Variants in RIMS2 observed in about 807,000 individuals in gnomAD.
The protein encoded by RIMS2 is regulating synaptic membrane exocytosis 2.
In RIMS2, 59 loss-of-function variants were observed where a neutral mutation model predicts 174.4. That is an observed-to-expected ratio of 0.34 (90% CI 0.27 to 0.42). The LOEUF (loss-of-function observed/expected upper bound fraction) is 0.42. RIMS2 is among the 10% of genes least tolerant of loss of function. RIMS2 has a pLI of 1.00. For synonymous variants in RIMS2, 606 were observed against 572.5 expected (o/e 1.06, Z -0.84); for missense variants, 1,620 against 1,666.3 (o/e 0.97, Z 0.48).
intron 1 of RIMS2, 143 bp downstream of exon 1, chr8:103,501,205 G>GCCGC (rs1819599421): frequency 2.1e-6 from 1 of 485,252 alleles, no homozygotes; most frequent in Non-Finnish European, 3.4e-6. Flanking sequence ...GCCAGCGCCG[G>GCCGC]CCGCCCGGGC....
chr8:103,702,339 T>C (rs950605191), intron 2 of RIMS2, among the ~76,000 whole-genome samples: 2 of 152,184 alleles, frequency 1.3e-5, no homozygotes, highest in African/African-American at 2.4e-5. Flanking sequence ...TATTAATCCC[T>C]TATTGGATAG....
At chr8:103,541,131 A>T (rs887027382) in intron 1 of RIMS2, among the ~76,000 whole-genome samples, 3 of 152,244 alleles carry the variant, frequency 2.0e-5, no homozygotes, top group Non-Finnish European at 4.4e-5. Context: ...GAAAATGTAA[A>T]TATCCAATTA....
intron 3 of RIMS2, among the ~76,000 whole-genome samples, chr8:103,839,124 T>G: frequency 6.6e-6 from 1 of 152,210 alleles, no homozygotes; most frequent in Non-Finnish European, 1.5e-5. Context: ...CTTTATCCAC[T>G]TTTCCACGAA....
chr8:103,954,293 A>G (rs1263000644), intron 14 of RIMS2, among the ~76,000 whole-genome samples: 5 of 152,192 alleles, frequency 3.3e-5, no homozygotes, highest in Non-Finnish European at 7.3e-5. Flanking sequence ...CATCAACAGA[A>G]TATACATTCT....
intron 3 of RIMS2, among the ~76,000 whole-genome samples, chr8:103,841,316 T>C (rs1308828212): frequency 2.0e-5 from 3 of 152,240 alleles, no homozygotes; most frequent in African/African-American, 7.2e-5. Context: ...CTGCTTTTTT[T>C]CTTACTAGCT....
At chr8:103,508,915 G>T (rs1315164704) in intron 1 of RIMS2, among the ~76,000 whole-genome samples, 3 of 152,018 alleles carry the variant, frequency 2.0e-5, no homozygotes, top group Non-Finnish European at 4.4e-5. Context: ...TGCCAGACTT[G>T]CGTAACTGAC....
chr8:103,820,402 G>A (rs1391962514), intron 3 of RIMS2, among the ~76,000 whole-genome samples: 2 of 151,920 alleles, frequency 1.3e-5, no homozygotes. Flanking sequence ...AAATATATGT[G>A]GAGAAGACTG....
intron 19 of RIMS2, among the ~76,000 whole-genome samples, chr8:104,199,921 GGGTCCT>G (rs2099045860): frequency 6.6e-6 from 1 of 152,124 alleles, no homozygotes; most frequent in African/African-American, 2.4e-5. Flanking sequence ...TGATGAACCT[GGGTCCT>G]ACTTGGGGAA....
intron 19 of RIMS2, among the ~76,000 whole-genome samples, chr8:104,038,229 T>A (rs1364580639): frequency 6.6e-6 from 1 of 152,028 alleles, no homozygotes; most frequent in Non-Finnish European, 1.5e-5. Flanking sequence ...TTATATTTTA[T>A]ATATCTTTTA....
intron 19 of RIMS2, among the ~76,000 whole-genome samples, chr8:104,034,360 A>G (rs1391741003): frequency 6.6e-6 from 1 of 152,030 alleles, no homozygotes; most frequent in Non-Finnish European, 1.5e-5. Flanking sequence ...AATTTTGAGT[A>G]CTATGACTAG....
intron 19 of RIMS2, among the ~76,000 whole-genome samples, chr8:104,204,914 A>C (rs2099072606): frequency 6.6e-6 from 1 of 152,144 alleles, no homozygotes; most frequent in African/African-American, 2.4e-5. Flanking sequence ...AGATGAATAG[A>C]CTCCACCAGT....
intron 3 of RIMS2, among the ~76,000 whole-genome samples, chr8:103,847,355 G>A (rs2098973371): frequency 6.6e-6 from 1 of 152,044 alleles, no homozygotes; most frequent in Admixed American, 6.6e-5. Flanking sequence ...GTCCTGCAAG[G>A]TGTCCACTGT....
intron 2 of RIMS2, among the ~76,000 whole-genome samples, chr8:103,732,903 A>G (rs2097625161): frequency 6.6e-6 from 1 of 152,174 alleles, no homozygotes; most frequent in African/African-American, 2.4e-5. Flanking sequence ...GTGGGACTCC[A>G]TGAGCTCACT....
chr8:103,530,144 A>G (rs12676333), intron 1 of RIMS2, among the ~76,000 whole-genome samples: 9,944 of 152,324 alleles, frequency 0.065, 397 homozygotes, highest in South Asian at 0.088. Context: ...ATGTTGGGAC[A>G]GTATAAATGG....
chr8:103,655,177 A>G (rs1376578883), intron 1 of RIMS2, among the ~76,000 whole-genome samples: 2 of 151,972 alleles, frequency 1.3e-5, no homozygotes, highest in Non-Finnish European at 2.9e-5. Flanking sequence ...TGAATGAGCC[A>G]TTTGTTTTAG....
chr8:103,567,528 T>G (rs2092459952), intron 1 of RIMS2, among the ~76,000 whole-genome samples: 1 of 152,246 alleles, frequency 6.6e-6, no homozygotes, highest in Non-Finnish European at 1.5e-5. Context: ...GGCCAAATAA[T>G]AATCTGTTGT....
At chr8:104,065,170 A>T (rs1462858967) in intron 19 of RIMS2, among the ~76,000 whole-genome samples, 1 of 152,096 alleles carries the variant, frequency 6.6e-6, no homozygotes, top group Non-Finnish European at 1.5e-5. Context: ...GGCCTTGTAT[A>T]TACAGATTTT....
chr8:103,877,115 A>G (rs2099145054), intron 3 of RIMS2, among the ~76,000 whole-genome samples: 1 of 151,414 alleles, frequency 6.6e-6, no homozygotes, highest in Admixed American at 6.6e-5. Context: ...TAGTTCTTTA[A>G]GGAATCTCCT....
At chr8:103,717,309 TA>T (rs10710945) in intron 2 of RIMS2, among the ~76,000 whole-genome samples, 51,194 of 142,140 alleles carry the variant, frequency 0.36, 9,559 homozygotes, top group East Asian at 0.76. Context: ...TTTCTTTCCT[TA>T]AAAAAAAAAA....
Sources: allele counts gnomAD v4.1 joint callset (sites outside exome capture counted in the v4.1 genomes callset), GRCh38; gene constraint gnomAD v4.1.1; transcripts MANE v1.5; gene names NCBI Gene and HGNC (gene_info 2026-07-23, HGNC 2026-07-21).